Variants in PDE4B observed in about 807,000 individuals in gnomAD.
PDE4B encodes 3',5'-cyclic-AMP phosphodiesterase 4B.
In PDE4B, 20 loss-of-function variants were observed where a neutral mutation model predicts 82.2. The ratio of observed to expected loss-of-function variants is 0.24; its 90% CI spans 0.17 to 0.35. The LOEUF is 0.35. Ranked by LOEUF, PDE4B falls within the 10% of genes least tolerant of loss-of-function variation. PDE4B has a pLI of 1.00. For missense variants in PDE4B, 655 were observed against 907.2 expected (o/e 0.72, Z 3.57); for synonymous variants, 320 against 318.9 (o/e 1.00, Z -0.04).
intron 3 of PDE4B, among the ~76,000 whole-genome samples, chr1:66,207,866 A>C (rs941462606): frequency 6.6e-6 from 1 of 152,198 alleles, no homozygotes; most frequent in Non-Finnish European, 1.5e-5. Context: ...TCCTGAAATT[A>C]AGTCTTCAGA....
At position 65,959,891 on chromosome 1, in the gene PDE4B, T is replaced by C. The variant is rs373411039; in HGVS notation, c.281+41056T>C. ...ACATATATGATTATTATTATTTTGG[T>C]AGAGATGAGGTCTTTTTATGTTGTT... On this transcript the variant is annotated intron_variant, in intron 3 of 16. Transcript: ENST00000341517. 1.8e-4 allele frequency among the ~76,000 whole-genome samples: 28 copies of C among 152,226 alleles called. No individual in the cohort carries two copies. In the South Asian group the frequency reaches 5.2e-3, roughly 28 times the overall value.
At chr1:66,201,653 C>G (rs1398932759) in intron 3 of PDE4B, among the ~76,000 whole-genome samples, 2 of 151,290 alleles carry the variant, frequency 1.3e-5, no homozygotes, top group African/African-American at 4.9e-5. Context: ...GTAGTATTCT[C>G]TGATGGTAGT....
intron 3 of PDE4B, among the ~76,000 whole-genome samples, chr1:66,135,396 G>A (rs1322501402): frequency 6.6e-6 from 1 of 152,188 alleles, no homozygotes; most frequent in Non-Finnish European, 1.5e-5. Context: ...TAGAATCAGA[G>A]AGACAAGTCA....
chr1:66,177,820 G>A (rs562864610), intron 3 of PDE4B, among the ~76,000 whole-genome samples: 25 of 152,272 alleles, frequency 1.6e-4, no homozygotes, highest in Admixed American at 6.5e-4. Flanking sequence ...TCCTAAAGGT[G>A]GGATCATCAT....
intron 3 of PDE4B, among the ~76,000 whole-genome samples, chr1:66,144,091 T>C (rs1053398329): frequency 1.3e-5 from 2 of 152,192 alleles, no homozygotes; most frequent in Non-Finnish European, 2.9e-5. Context: ...GTGAAAATAG[T>C]TGAGCAGAAA....
chr1:65,824,672 T>C (rs528565309), intron 1 of PDE4B, among the ~76,000 whole-genome samples: 18 of 150,900 alleles, frequency 1.2e-4, no homozygotes, highest in South Asian at 4.2e-4. Context: ...TATATATATA[T>C]ACACACAATT....
intron 8 of PDE4B, 117 bp downstream of exon 8, chr1:66,332,737 G>A (rs951858385): frequency 1.3e-6 from 1 of 795,866 alleles, no homozygotes. Context: ...GAATATGTTT[G>A]TTGCTTTGTC....
At chr1:65,854,508 G>A (rs1219586722) in intron 1 of PDE4B, among the ~76,000 whole-genome samples, 3 of 151,146 alleles carry the variant, frequency 2.0e-5, no homozygotes, top group African/African-American at 7.3e-5. Context: ...TATTCTCTAG[G>A]TATAAAATTC....
intron 1 of PDE4B, among the ~76,000 whole-genome samples, chr1:65,807,688 C>T (rs964038258): frequency 3.3e-5 from 5 of 152,190 alleles, no homozygotes; most frequent in South Asian, 2.1e-4. Flanking sequence ...GAGAGAAAAA[C>T]GGTCTCTTGG....
At chr1:66,001,494 T>G (rs1651860056) in intron 3 of PDE4B, among the ~76,000 whole-genome samples, 1 of 152,156 alleles carries the variant, frequency 6.6e-6, no homozygotes, top group Non-Finnish European at 1.5e-5. Flanking sequence ...ATTTATTCCC[T>G]TTTATTATTA....
intron 7 of PDE4B, among the ~76,000 whole-genome samples, chr1:66,311,976 G>C: frequency 1.3e-5 from 2 of 152,150 alleles, no homozygotes; most frequent in Non-Finnish European, 2.9e-5. Flanking sequence ...ATCCCCAAAT[G>C]TATAGGTCTG....
chr1:65,972,019 C>T (rs1333542119), intron 3 of PDE4B, among the ~76,000 whole-genome samples: 2 of 152,170 alleles, frequency 1.3e-5, no homozygotes, highest in African/African-American at 2.4e-5. Flanking sequence ...TTGCTTCTCT[C>T]TGTTTTGAAA....
chr1:65,974,604 C>T (rs1046443120), intron 3 of PDE4B, among the ~76,000 whole-genome samples: 1 of 152,142 alleles, frequency 6.6e-6, no homozygotes, highest in Non-Finnish European at 1.5e-5. Context: ...GCCCAAATCT[C>T]ATATTGAATT....
At chr1:66,306,558 G>C (rs1186169760) in intron 7 of PDE4B, among the ~76,000 whole-genome samples, 3 of 152,152 alleles carry the variant, frequency 2.0e-5, no homozygotes, top group Non-Finnish European at 4.4e-5. Flanking sequence ...TTAAATCAAC[G>C]TGACTGGGAG....
intron 1 of PDE4B, among the ~76,000 whole-genome samples, chr1:65,831,663 TCATTTTATGAAGCCAG>T (rs67615527): frequency 0.7 from 106,045 of 151,650 alleles, 38,536 homozygotes; most frequent in Non-Finnish European, 0.81. Context: ...ACTTTCCAAC[TCATTTTATGAAGCCAG>T]CATTTTATGA....
chr1:66,242,024 A>C (rs4375240), intron 3 of PDE4B, among the ~76,000 whole-genome samples: 4,709 of 152,288 alleles, frequency 0.031, 230 homozygotes, highest in African/African-American at 0.11. Context: ...AAACTAAATG[A>C]AGGCTTCATT....
At chr1:66,300,595 T>A (rs1468040029) in intron 7 of PDE4B, among the ~76,000 whole-genome samples, 2 of 152,162 alleles carry the variant, frequency 1.3e-5, no homozygotes, top group Non-Finnish European at 2.9e-5. Flanking sequence ...TTCTTTCCAT[T>A]CCCCAGTCAC....
intron 1 of PDE4B, among the ~76,000 whole-genome samples, chr1:65,798,273 A>T (rs2101154519): frequency 4.7e-5 from 1 of 21,164 alleles, no homozygotes; most frequent in Non-Finnish European, 6.1e-5. Flanking sequence ...TTTTTTTGAG[A>T]CGGAGTCTCG....
intron 3 of PDE4B, among the ~76,000 whole-genome samples, chr1:65,942,380 A>G (rs937092682): frequency 6.6e-6 from 1 of 151,936 alleles, no homozygotes; most frequent in East Asian, 1.9e-4. Flanking sequence ...TTTAAAGAAT[A>G]AAGAATATTT....
Sources: gnomAD v4.1 joint callset for allele counts (sites outside exome capture counted in the v4.1 genomes callset) on GRCh38, gnomAD v4.1.1 for gene constraint, MANE v1.5 for transcripts, NCBI Gene and HGNC (gene_info 2026-07-23, HGNC 2026-07-21) for gene names.